CDH18: variants seen among roughly 807,000 people sequenced by gnomAD.
CDH18 encodes cadherin-18.
A neutral mutation model predicts 67.9 loss-of-function variants in CDH18; 31 were observed. The ratio of observed to expected loss-of-function variants is 0.46; its 90% confidence interval spans 0.34 to 0.62. The LOEUF is 0.62. CDH18 is among the 20% of genes least tolerant of loss of function. The pLI is 0.01. For missense variants in CDH18, 890 were observed against 975.5 expected, an observed-to-expected ratio of 0.91 and a Z score of 1.17; for synonymous variants, 362 against 347.2, an observed-to-expected ratio of 1.04 and a Z score of -0.48.
At chr5:19,654,924 T>C (rs902733060) in intron 5 of CDH18, among the ~76,000 whole-genome samples, 1 of 152,146 alleles carries the variant, frequency 6.6e-6, no homozygotes, top group African/African-American at 2.4e-5. Context: ...TCCTCTGCCA[T>C]GCTGCTCTTC....
intron 1 of CDH18, among the ~76,000 whole-genome samples, chr5:20,389,139 G>T (rs910800115): frequency 1.3e-5 from 2 of 152,020 alleles, no homozygotes; most frequent in African/African-American, 4.8e-5. Flanking sequence ...TCTGTCTAAT[G>T]TTGACAGTGG....
At chr5:19,671,117 T>C (rs1422471992) in intron 5 of CDH18, among the ~76,000 whole-genome samples, 5 of 152,128 alleles carry the variant, frequency 3.3e-5, no homozygotes, top group African/African-American at 1.2e-4. Flanking sequence ...GAAATAAAAA[T>C]TTGTTTAAGA....
At chr5:20,427,022 C>T (rs1748353745) in intron 1 of CDH18, among the ~76,000 whole-genome samples, 1 of 150,954 alleles carries the variant, frequency 6.6e-6, no homozygotes, top group South Asian at 2.1e-4. Flanking sequence ...GAATAGCGCT[C>T]AGACAATATA....
chr5:20,536,408 T>C (rs2126571285), intron 1 of CDH18, among the ~76,000 whole-genome samples: 1 of 152,210 alleles, frequency 6.6e-6, no homozygotes, highest in Non-Finnish European at 1.5e-5. Flanking sequence ...GCAATACCAG[T>C]GAGAAAAAAT....
chr5:20,468,361 T>C lies in CDH18; in HGVS notation c.-580+107101A>G, dbSNP rs1258079044. Among the ~76,000 whole-genome samples the C allele has an allele frequency of 3.3e-5, 5 of 152,290 alleles. No individual in the cohort carries two copies. In the East Asian group the frequency reaches 9.7e-4, roughly 29 times the overall value. On this transcript the variant is annotated intron_variant, in intron 1 of 14. Coordinates refer to the CDH18 transcript ENST00000507958. The stretch of plus-strand genomic sequence containing the variant: ...ATACATTTAAAGTACATTCCTCCAG[T>C]TGGCATATAAGGATGCCACGCTGGC...
chr5:20,014,255 T>C lies in CDH18; in HGVS notation c.-517-22241A>G, dbSNP rs116064112. ...AGGATATAAGGAAATATATCCATAG[T>C]CTCTGCCTGTAATTCATCAACAGTC... is the stretch of plus-strand genomic sequence containing the variant. On this transcript the variant is annotated intron_variant, in intron 2 of 14. Coordinates refer to the CDH18 transcript ENST00000507958. Among the ~76,000 whole-genome samples, 679 of 152,212 alleles carry C rather than the reference T, an allele frequency of 4.5e-3. 4 individuals carry two copies. Among genetic ancestry groups the C allele is most frequent in the African/African-American group, 0.015 (641 of 41,556 alleles).
intron 2 of CDH18, among the ~76,000 whole-genome samples, chr5:19,853,974 G>A (rs1784000538): frequency 6.6e-6 from 1 of 152,040 alleles, no homozygotes; most frequent in African/African-American, 2.4e-5. Flanking sequence ...ATGTCTACGT[G>A]GCACAAATGT....
intron 1 of CDH18, among the ~76,000 whole-genome samples, chr5:20,411,410 T>C (rs6451844): frequency 0.99 from 151,025 of 152,116 alleles, 74,980 homozygotes; most frequent in Middle Eastern, 1. Context: ...AAAAAAAGTC[T>C]CTTAACTAAC....
intron 2 of CDH18, among the ~76,000 whole-genome samples, chr5:20,159,775 C>A (rs1751829506): frequency 6.6e-6 from 1 of 152,084 alleles, no homozygotes; most frequent in South Asian, 2.1e-4. Flanking sequence ...CGGCAAGCTG[C>A]TTTATTATAT....
chr5:20,536,267 T>A (rs1455792374), intron 1 of CDH18, among the ~76,000 whole-genome samples: 1 of 152,094 alleles, frequency 6.6e-6, no homozygotes, highest in Non-Finnish European at 1.5e-5. Flanking sequence ...AAATCTAGTT[T>A]ATTGAGTAGT....
intron 1 of CDH18, among the ~76,000 whole-genome samples, chr5:20,423,837 C>T (rs1748052432): frequency 6.7e-6 from 1 of 148,274 alleles, no homozygotes; most frequent in Non-Finnish European, 1.5e-5. Flanking sequence ...GTCCCAGCTA[C>T]TCGGGAGGCT....
rs5866403 is a variant in CDH18 at position 19,861,290 on chromosome 5, G to GTT, written c.-256-22050_-256-22049dup. 2.6e-3 allele frequency among the ~76,000 whole-genome samples: 390 copies of GTT among 150,774 alleles called. 1 individual carries two copies. The highest frequency in any genetic ancestry group is 3.7e-3 in the Non-Finnish European group (251 of 67,612). ...TAGGTGCTGTAAGAGGTACAGATGG[G>GTT]TTTTTTTTTATATCTGGGGACAGAG... On this transcript the variant is annotated intron_variant, in intron 2 of 12. Coordinates refer to ENST00000382275, the MANE Select transcript of CDH18 (RefSeq NM_004934.5).
intron 2 of CDH18, among the ~76,000 whole-genome samples, chr5:20,013,365 T>G (rs1430770432): frequency 6.6e-6 from 1 of 152,068 alleles, no homozygotes; most frequent in Non-Finnish European, 1.5e-5. Context: ...TCTGTACTTT[T>G]AAGGACAGGT....
chr5:20,497,141 A>C (rs1241921317), intron 1 of CDH18, among the ~76,000 whole-genome samples: 1 of 152,090 alleles, frequency 6.6e-6, no homozygotes, highest in Non-Finnish European at 1.5e-5. Flanking sequence ...AAGGCCAATG[A>C]AGCTGGGGTG....
chr5:20,406,678 T>C (rs1314557273), intron 1 of CDH18, among the ~76,000 whole-genome samples: 2 of 152,260 alleles, frequency 1.3e-5, no homozygotes, highest in East Asian at 3.9e-4. Context: ...GCACTATTAA[T>C]GTTATGTAGA....
At chr5:20,102,311 A>C (rs1746545711) in intron 2 of CDH18, among the ~76,000 whole-genome samples, 1 of 151,748 alleles carries the variant, frequency 6.6e-6, no homozygotes, top group Admixed American at 6.6e-5. Flanking sequence ...AAGACAGTGA[A>C]GTACATATTC....
chr5:19,967,181 G>A (rs768943740), intron 2 of CDH18, among the ~76,000 whole-genome samples: 3 of 151,844 alleles, frequency 2.0e-5, no homozygotes, highest in East Asian at 1.9e-4. Flanking sequence ...AGAGATTAAC[G>A]ATATTGATGT....
intron 1 of CDH18, among the ~76,000 whole-genome samples, chr5:20,402,815 G>A (rs974568887): frequency 1.6e-4 from 25 of 151,616 alleles, no homozygotes; most frequent in Non-Finnish European, 4.4e-5. Flanking sequence ...GGCTGAGGCA[G>A]GAGAATTGCT....
At chr5:19,735,331 C>T (rs549476802) in intron 4 of CDH18, among the ~76,000 whole-genome samples, 27 of 151,198 alleles carry the variant, frequency 1.8e-4, no homozygotes, top group African/African-American at 5.3e-4. Context: ...TATCTCTTTG[C>T]TGAAAAGACA....
Sources: allele counts gnomAD v4.1 joint callset (sites outside exome capture counted in the v4.1 genomes callset), GRCh38; gene constraint gnomAD v4.1.1; transcripts MANE v1.5; gene names NCBI Gene and HGNC (gene_info 2026-07-23, HGNC 2026-07-21).